SLC26A8: variants seen among roughly 807,000 people sequenced by gnomAD.
The protein encoded by SLC26A8 is solute carrier family 26 member 8, also known as testis anion transporter 1.
Under a neutral mutation model 105.0 loss-of-function variants are expected in SLC26A8, and 70 were observed. The ratio of observed to expected loss-of-function variants is 0.67; its 90% CI spans 0.55 to 0.81. The LOEUF (loss-of-function observed/expected upper bound fraction) is 0.81. Among genes scored for constraint, SLC26A8 ranks in the 40% least tolerant of loss-of-function variants. The probability of loss-of-function intolerance (pLI) is 0.00; values close to 1 mark genes in which losing one functional copy is unlikely to be tolerated. For synonymous variants in SLC26A8, 415 were observed against 438.3 expected, an observed-to-expected ratio of 0.95 and a Z score of 0.66; for missense variants, 998 against 1,181.8, an observed-to-expected ratio of 0.84 and a Z score of 2.28.
intron 11 of SLC26A8, among the ~76,000 whole-genome samples, chr6:35,965,933 G>A (rs1772499341): frequency 6.7e-6 from 1 of 150,212 alleles, no homozygotes; most frequent in Admixed American, 6.7e-5. Flanking sequence ...AGAGGTTGAA[G>A]TGAGCTGAGC....
intron 7 of SLC26A8, among the ~76,000 whole-genome samples, chr6:35,985,573 A>G (rs1158057524): frequency 6.6e-6 from 1 of 151,700 alleles, no homozygotes; most frequent in Non-Finnish European, 1.5e-5. Context: ...TGTACCTGTA[A>G]TCCCAGCTAC....
At chr6:35,948,378 C>T (rs1771747333) in intron 19 of SLC26A8, among the ~76,000 whole-genome samples, 1 of 152,138 alleles carries the variant, frequency 6.6e-6, no homozygotes, top group Admixed American at 6.5e-5. Context: ...CACCTGAGGT[C>T]AGGAGTTCGA....
intron 19 of SLC26A8, among the ~76,000 whole-genome samples, chr6:35,950,575 G>A (rs1482764165): frequency 2.0e-5 from 3 of 151,948 alleles, no homozygotes; most frequent in East Asian, 1.9e-4. Flanking sequence ...GTGAGCCATC[G>A]CACTCAGCCA....
chr6:35,955,632 C>G, intron 16 of SLC26A8, 112 bp from the exon 17 acceptor site: 1 of 1,380,178 alleles, frequency 7.2e-7, no homozygotes, highest in Non-Finnish European at 9.9e-7. Flanking sequence ...TCTCATGAAA[C>G]TTCTCCCGAG....
At chr6:36,017,632 CAACAAAACAA>C (rs55699221) in intron 2 of SLC26A8, among the ~76,000 whole-genome samples, 42 of 150,714 alleles carry the variant, frequency 2.8e-4, no homozygotes, top group African/African-American at 8.6e-4. Context: ...AATTCCGTCT[CAACAAAACAA>C]AACAAAACAA....
At chr6:36,019,080 C>T (rs1450766426) in intron 2 of SLC26A8, among the ~76,000 whole-genome samples, 1 of 152,144 alleles carries the variant, frequency 6.6e-6, no homozygotes, top group African/African-American at 2.4e-5. Flanking sequence ...CACGTGCCAC[C>T]ACGCCCAGCT....
intron 11 of SLC26A8, among the ~76,000 whole-genome samples, chr6:35,965,749 G>C (rs1364838094): frequency 1.3e-5 from 2 of 151,248 alleles, no homozygotes; most frequent in African/African-American, 4.9e-5. Context: ...CCAGCACTTT[G>C]GGAGGCTGAG....
chr6:35,951,120 T>G, intron 19 of SLC26A8, 43 bp downstream of exon 19: 4 of 810,176 alleles, frequency 4.9e-6, no homozygotes, highest in East Asian at 5.3e-5. Flanking sequence ...CCCACTGCCC[T>G]CAATCCCTTC....
chr6:35,949,795 T>TTGTG (rs532396044), intron 19 of SLC26A8, among the ~76,000 whole-genome samples: 2 of 151,608 alleles, frequency 1.3e-5, no homozygotes, highest in Non-Finnish European at 2.9e-5. Flanking sequence ...AGTTAACTAG[T>TTGTG]TGTGTGTGTG....
chr6:35,991,401 C>CA (rs10717911), intron 7 of SLC26A8, among the ~76,000 whole-genome samples: 4,071 of 100,278 alleles, frequency 0.041, 87 homozygotes, highest in African/African-American at 0.047. Flanking sequence ...AAGACTCTGT[C>CA]AAAAAAAAAA....
intron 7 of SLC26A8, chr6:35,989,934 T>TC (rs1362387451): frequency 3.5e-5 from 4 of 112,940 alleles, no homozygotes; most frequent in African/African-American, 1.4e-4. Flanking sequence ...TTTCTTTTTT[T>TC]TTTTTTTTTT....
At chr6:35,991,249 C>T (rs1761142952) in intron 7 of SLC26A8, among the ~76,000 whole-genome samples, 1 of 151,322 alleles carries the variant, frequency 6.6e-6, no homozygotes, top group Admixed American at 6.6e-5. Context: ...AAAAAAAATA[C>T]AAAAATTAGC....
chr6:35,984,898 C>T (rs1176517993), intron 7 of SLC26A8, among the ~76,000 whole-genome samples: 1 of 152,160 alleles, frequency 6.6e-6, no homozygotes, highest in East Asian at 1.9e-4. Flanking sequence ...TATCCCTCCA[C>T]CCTTTTGGAA....
intron 14 of SLC26A8, chr6:35,960,440 G>A (rs1772265075): frequency 5.4e-6 from 1 of 183,608 alleles, no homozygotes; most frequent in Non-Finnish European, 1.1e-5. Context: ...CAGATTGACT[G>A]AGCTCAGGAG....
intron 2 of SLC26A8, among the ~76,000 whole-genome samples, chr6:36,014,781 G>A (rs956299538): frequency 2.6e-5 from 4 of 151,930 alleles, no homozygotes; most frequent in Non-Finnish European, 4.4e-5. Context: ...CAGAAGAATC[G>A]CTTGAACCCG....
chr6:35,955,322 T>C lies in SLC26A8; in HGVS notation c.2062A>G (p.Asn688Asp). The change falls in exon 17 of 20, where the codon AAC becomes GAC. Residue 688 changes from asparagine (N) to aspartate (D), a missense_variant. Coordinates refer to ENST00000490799, the MANE Select transcript of SLC26A8 (RefSeq NM_052961.4). ...CCTGGTGAGCTGTTTCTTGATGAGT[T>C]ATTAGGAAGCCAAACTTCCTCCACC... ...EEVEEVWLPN[N>D]SSRNSSPGLP... 6.2e-7 allele frequency: 1 copy of C among 1,614,180 alleles called. No homozygotes were observed. Among genetic ancestry groups the C allele is most frequent in the Non-Finnish European group, 8.5e-7 (1 of 1,180,032 alleles).
chr6:35,964,502 C>T (rs186016657), intron 11 of SLC26A8, among the ~76,000 whole-genome samples: 7 of 152,166 alleles, frequency 4.6e-5, no homozygotes, highest in South Asian at 4.1e-4. Flanking sequence ...CAAAAATTAG[C>T]CGGGCATGGT....
intron 7 of SLC26A8, among the ~76,000 whole-genome samples, chr6:35,990,899 G>C (rs1017736603): frequency 6.6e-6 from 1 of 151,436 alleles, no homozygotes; most frequent in South Asian, 2.1e-4. Flanking sequence ...TTTCATAAGG[G>C]GAAAAAAAAA....
chr6:35,995,385 G>A (rs1462571839), intron 5 of SLC26A8, among the ~76,000 whole-genome samples: 2 of 152,206 alleles, frequency 1.3e-5, no homozygotes, highest in Non-Finnish European at 2.9e-5. Flanking sequence ...GAATGAAAGG[G>A]AGGGCTCAAT....
Sources: allele counts gnomAD v4.1 joint callset (sites outside exome capture counted in the v4.1 genomes callset), GRCh38; gene constraint gnomAD v4.1.1; transcripts MANE v1.5; gene names NCBI Gene and HGNC (gene_info 2026-07-23, HGNC 2026-07-21).